CNTNAP3B: variants seen among roughly 807,000 people sequenced by gnomAD.
CNTNAP3B encodes the protein contactin-associated protein-like 3B.
Under a neutral mutation model 108.9 loss-of-function variants are expected in CNTNAP3B, and 25 were observed. That is an observed-to-expected ratio of 0.23 (90% CI 0.17 to 0.32). The LOEUF (loss-of-function observed/expected upper bound fraction) is 0.32, where lower values mean the gene tolerates loss of function less well. Among genes scored for constraint, CNTNAP3B ranks in the 10% least tolerant of loss-of-function variants. CNTNAP3B has a pLI of 1.00. For missense variants in CNTNAP3B, 252 were observed against 1,210.4 expected, an observed-to-expected ratio of 0.21 and a Z score of 11.75; for synonymous variants, 103 against 473.4, an observed-to-expected ratio of 0.22 and a Z score of 10.16.
intron 1 of CNTNAP3B, among the ~76,000 whole-genome samples, chr9:42,128,599 C>T (rs1309291277): frequency 7.8e-6 from 1 of 127,948 alleles, no homozygotes; most frequent in Non-Finnish European, 1.6e-5. Flanking sequence ...AAGCTGCTAA[C>T]ATCTAAGTTG....
rs1350113510 is a variant in CNTNAP3B at position 42,097,444 on chromosome 9, C to T, written c.196+7185G>A. 5.0e-5 allele frequency among the ~76,000 whole-genome samples: 7 copies of T among 139,686 alleles called. 1 individual carries two copies. Among genetic ancestry groups the T allele is most frequent in the African/African-American group, 2.0e-4 (7 of 35,344 alleles). 91.6% of individuals were successfully genotyped at this position (139,686 alleles called of 152,430 possible). A position where few individuals can be genotyped will look rare whatever the true frequency, so the allele number is the denominator to read the frequency against. On this transcript the variant is annotated intron_variant, in intron 2 of 23. Transcript: ENST00000377561. ...TGGTCACTAGTAATGTTTTCTAGTC[C>T]AGATTGTGAAATTTGTATTTGTTAC...
At chr9:42,032,948 T>C (rs1826549144) in intron 3 of CNTNAP3B, among the ~76,000 whole-genome samples, 1 of 142,770 alleles carries the variant, frequency 7.0e-6, no homozygotes, top group Admixed American at 7.0e-5. Context: ...TATGACCTTA[T>C]TTAACCTTAA....
chr9:42,116,388 A>T (rs1473176489), intron 1 of CNTNAP3B, among the ~76,000 whole-genome samples: 2 of 130,466 alleles, frequency 1.5e-5, no homozygotes, highest in Non-Finnish European at 1.6e-5. Context: ...TAAAGAAAAG[A>T]ATTTTCAACC....
intron 9 of CNTNAP3B, among the ~76,000 whole-genome samples, chr9:41,982,063 CAAAA>C (rs541712479): frequency 2.8e-4 from 12 of 42,406 alleles, no homozygotes; most frequent in African/African-American, 1.5e-3. Context: ...TCTAAAGTCT[CAAAA>C]AAAAAAAAAA....
intron 14 of CNTNAP3B, among the ~76,000 whole-genome samples, chr9:41,934,116 TATATATAC>T (rs1443788182): frequency 3.5e-4 from 48 of 138,416 alleles, no homozygotes; most frequent in Middle Eastern, 3.6e-3. Context: ...TATATATATA[TATATATAC>T]ACACACATAT....
rs1465453675 is a variant in CNTNAP3B, at chr9:42,077,679, T to A, written c.197-617A>T. ...GGTATGGAGTAGCAAATGGTCAAGG[T>A]GAGTCCTAAGCAGGTTCTGGTGCAC... is the stretch of plus-strand genomic sequence containing the variant. On this transcript the variant is annotated intron_variant, in intron 2 of 23. Coordinates refer to ENST00000377561, the MANE Select transcript of CNTNAP3B (RefSeq NM_001201380.3). Among the ~76,000 whole-genome samples, 2 of 125,938 alleles carry A rather than the reference T, an allele frequency of 1.6e-5. 1 individual carries two copies. The highest frequency in any genetic ancestry group is 1.6e-4 in the Admixed American group (2 of 12,352). 82.6% of individuals were successfully genotyped at this position (125,938 alleles called of 152,430 possible). A position where few individuals can be genotyped will look rare whatever the true frequency, so the allele number is the denominator to read the frequency against.
intron 14 of CNTNAP3B, among the ~76,000 whole-genome samples, chr9:41,933,621 A>C (rs1824047663): frequency 6.6e-6 from 1 of 152,298 alleles, no homozygotes; most frequent in Admixed American, 6.5e-5. Flanking sequence ...GACTGACCAT[A>C]AATTCAGCAA....
At chr9:42,035,730 T>G (rs1277157226) in intron 3 of CNTNAP3B, among the ~76,000 whole-genome samples, 1 of 151,052 alleles carries the variant, frequency 6.6e-6, no homozygotes. Context: ...CAATCATACC[T>G]CAGTGCAGCT....
Position 41,951,373 on chromosome 9 carries a change from T to A in CNTNAP3B, c.2080+1810A>T, listed in dbSNP as rs1221962064. On this transcript the variant is annotated intron_variant, in intron 13 of 23. Transcript: ENST00000377561. ...CCAAAAGATCACCTGGGGATTTTTT[T>A]TTTAAACGATTCCAAAGCCAAGGCT... Among the ~76,000 whole-genome samples the A allele has an allele frequency of 4.9e-5, 5 of 103,024 alleles. 1 individual carries two copies. Among genetic ancestry groups the A allele is most frequent in the Non-Finnish European group, 8.4e-5 (4 of 47,650 alleles). The allele number at this position is 103,024 out of a possible 152,430, so 67.6% of individuals were successfully genotyped here.
chr9:42,107,043 C>T (rs1828099067), intron 1 of CNTNAP3B, among the ~76,000 whole-genome samples: 1 of 92,742 alleles, frequency 1.1e-5, no homozygotes, highest in Admixed American at 1.1e-4. Flanking sequence ...GGGCGTTTCA[C>T]GTGTCCCTGG....
intron 8 of CNTNAP3B, among the ~76,000 whole-genome samples, chr9:41,988,626 C>A (rs1371191776): frequency 6.8e-6 from 1 of 147,554 alleles, no homozygotes; most frequent in Non-Finnish European, 1.5e-5. Flanking sequence ...CATAGACATG[C>A]AAATGAATTT....
chr9:42,125,713 C>T (rs1206156763), intron 1 of CNTNAP3B, among the ~76,000 whole-genome samples: 1 of 130,766 alleles, frequency 7.6e-6, no homozygotes, highest in East Asian at 2.3e-4. Flanking sequence ...CTCCGTCACC[C>T]AGGCTGGAGT....
intron 10 of CNTNAP3B, among the ~76,000 whole-genome samples, chr9:41,968,925 T>C (rs1275918449): frequency 3.9e-5 from 6 of 152,040 alleles, no homozygotes; most frequent in African/African-American, 7.3e-5. Context: ...GCCTGCCGAG[T>C]AGCTGGAACT....
At chr9:41,943,422 G>A (rs1265378089) in intron 13 of CNTNAP3B, among the ~76,000 whole-genome samples, 3 of 145,012 alleles carry the variant, frequency 2.1e-5, no homozygotes, top group Admixed American at 1.5e-4. Flanking sequence ...GTGCAATCTC[G>A]GCTCACTGCA....
intron 15 of CNTNAP3B, among the ~76,000 whole-genome samples, chr9:41,925,287 G>A (rs1823782662): frequency 1.3e-5 from 2 of 151,266 alleles, no homozygotes; most frequent in South Asian, 2.1e-4. Flanking sequence ...TGGTTGACAT[G>A]CCTACGTTAG....
intron 13 of CNTNAP3B, among the ~76,000 whole-genome samples, chr9:41,951,467 G>T (rs1295950231): frequency 6.7e-6 from 1 of 148,350 alleles, no homozygotes; most frequent in African/African-American, 2.5e-5. Context: ...AAAAACTGGA[G>T]AACTGGGAAG....
chr9:42,096,047 G>A (rs1827892014), intron 2 of CNTNAP3B, among the ~76,000 whole-genome samples: 1 of 138,898 alleles, frequency 7.2e-6, no homozygotes, highest in Non-Finnish European at 1.5e-5. Flanking sequence ...CCTGCCTTTG[G>A]TACCTCAGGG....
intron 13 of CNTNAP3B, among the ~76,000 whole-genome samples, chr9:41,939,658 C>T (rs962878204): frequency 1.1e-4 from 17 of 152,272 alleles, no homozygotes; most frequent in Non-Finnish European, 2.5e-4. Flanking sequence ...TAAAAGTTAC[C>T]GACTTCACCA....
chr9:41,962,891 C>A (rs1410434993), intron 11 of CNTNAP3B, among the ~76,000 whole-genome samples: 1 of 151,792 alleles, frequency 6.6e-6, no homozygotes, highest in African/African-American at 2.4e-5. Context: ...GGAGGCGGAA[C>A]TTGCAGTGAG....
Sources: allele counts gnomAD v4.1 joint callset (sites outside exome capture counted in the v4.1 genomes callset), GRCh38; gene constraint gnomAD v4.1.1; transcripts MANE v1.5; gene names NCBI Gene and HGNC (gene_info 2026-07-23, HGNC 2026-07-21).